The following TM2D1 variants were observed in gnomAD, a reference collection of about 807,000 sequenced individuals.
TM2D1 encodes TM2 domain-containing protein 1.
TM2D1 carries 15 observed loss-of-function variants against 28.4 expected under a neutral mutation model. That is an observed-to-expected ratio of 0.53 (90% CI 0.35 to 0.81). The LOEUF is 0.81. Among genes scored for constraint, TM2D1 ranks in the 40% least tolerant of loss-of-function variants. The pLI, the probability that TM2D1 is intolerant of heterozygous loss-of-function variation, is 0.01. For synonymous variants in TM2D1, 93 were observed against 96.2 expected, an observed-to-expected ratio of 0.97 and a Z score of 0.20; for missense variants, 236 against 254.9, an observed-to-expected ratio of 0.93 and a Z score of 0.50.
chr1:61,711,199 G>A (rs556339094), intron 2 of TM2D1, among the ~76,000 whole-genome samples: 4 of 151,070 alleles, frequency 2.6e-5, no homozygotes, highest in South Asian at 2.1e-4. Context: ...GCATGGTGGC[G>A]GGCACCTGTA....
intron 3 of TM2D1, among the ~76,000 whole-genome samples, chr1:61,701,490 G>T (rs923397455): frequency 1.3e-5 from 2 of 151,742 alleles, no homozygotes; most frequent in Non-Finnish European, 1.5e-5. Flanking sequence ...AGGCAAAAAA[G>T]ACAGCCAGAA....
intron 2 of TM2D1, among the ~76,000 whole-genome samples, chr1:61,709,844 T>C (rs1443394476): frequency 2.0e-5 from 3 of 152,222 alleles, no homozygotes; most frequent in African/African-American, 7.2e-5. Context: ...TAATCTGAGT[T>C]TGTATTTTTA....
At chr1:61,696,953 G>C (rs1412065790) in intron 4 of TM2D1, among the ~76,000 whole-genome samples, 1 of 151,708 alleles carries the variant, frequency 6.6e-6, no homozygotes, top group Non-Finnish European at 1.5e-5. Context: ...TCTCAGGAAT[G>C]AATGAAGTTT....
intron 4 of TM2D1, 119 bp downstream of exon 4, chr1:61,700,815 A>G: frequency 1.4e-6 from 1 of 694,842 alleles, no homozygotes; most frequent in Non-Finnish European, 2.4e-6. Context: ...AACATTAACT[A>G]CTCAACTCCA....
chr1:61,710,383 G>C (rs1025525947), intron 2 of TM2D1, among the ~76,000 whole-genome samples: 2 of 141,420 alleles, frequency 1.4e-5, no homozygotes, highest in Non-Finnish European at 3.0e-5. Flanking sequence ...CCAAGATTGT[G>C]CCACTGCCCT....
chr1:61,707,208 T>C (rs1179093811), intron 3 of TM2D1, among the ~76,000 whole-genome samples: 4 of 152,152 alleles, frequency 2.6e-5, no homozygotes, highest in African/African-American at 4.8e-5. Flanking sequence ...TGAGACATGA[T>C]TGTGACGCTG....
At chr1:61,696,555 A>AAAG (rs1418650948) in intron 4 of TM2D1, among the ~76,000 whole-genome samples, 15 of 151,852 alleles carry the variant, frequency 9.9e-5, no homozygotes, top group African/African-American at 3.4e-4. Context: ...AAAAAAAAAA[A>AAAG]AAAGAAAGAA....
chr1:61,684,867 C>G (rs374297091), intron 5 of TM2D1, among the ~76,000 whole-genome samples: 2 of 152,176 alleles, frequency 1.3e-5, no homozygotes, highest in East Asian at 1.9e-4. Flanking sequence ...CAACCTCCCC[C>G]CCGGGGCTCT....
chr1:61,692,374 T>C (rs1277959616), intron 5 of TM2D1, among the ~76,000 whole-genome samples: 2 of 151,794 alleles, frequency 1.3e-5, no homozygotes, highest in South Asian at 2.1e-4. Context: ...GATACGTTTA[T>C]GGGATCACAG....
intron 4 of TM2D1, among the ~76,000 whole-genome samples, chr1:61,695,485 G>C (rs1335770876): frequency 6.6e-6 from 1 of 151,986 alleles, no homozygotes; most frequent in East Asian, 1.9e-4. Context: ...GGGTGGGCTG[G>C]GGGTGGGATG....
Position 61,683,494 on chromosome 1 carries a change from C to A in TM2D1, c.566G>T (p.Arg189Ile). 1 of 1,545,230 alleles carries A rather than the reference C, an allele frequency of 6.5e-7. No individual in the cohort carries two copies. The highest frequency in any genetic ancestry group is 8.7e-7 in the Non-Finnish European group (1 of 1,148,608). Reference protein sequence around the residue: ...SSYIIDYYGTRLTRLSITNET... With the variant: ...SSYIIDYYGTILTRLSITNET... ...ATTAGTAATACTCAGTCTTGTAAGT[C>A]TGGTTCCATAGTAATCTATAATGTA... Residue 189 changes from arginine to isoleucine, a missense_variant, in exon 6 of 7, where the codon AGA becomes ATA. By Grantham distance (97) the Arg-to-Ile change is moderately conservative. Coordinates refer to ENST00000606498, the MANE Select transcript of TM2D1 (RefSeq NM_032027.3).
chr1:61,692,635 C>T (rs1644336611), intron 5 of TM2D1, among the ~76,000 whole-genome samples: 1 of 152,058 alleles, frequency 6.6e-6, no homozygotes, highest in African/African-American at 2.4e-5. Context: ...GTGACTCATG[C>T]CTGTAATCCC....
chr1:61,713,758 T>C (rs935452019), intron 2 of TM2D1, among the ~76,000 whole-genome samples: 2 of 152,168 alleles, frequency 1.3e-5, no homozygotes, highest in Non-Finnish European at 2.9e-5. Flanking sequence ...AAAGAGACAG[T>C]TGCAATACAA....
chr1:61,689,419 A>G (rs538525777), intron 5 of TM2D1, among the ~76,000 whole-genome samples: 1 of 152,268 alleles, frequency 6.6e-6, no homozygotes, highest in Non-Finnish European at 1.5e-5. Context: ...GCTAGAGTGT[A>G]GTACTACAAT....
intron 2 of TM2D1, among the ~76,000 whole-genome samples, chr1:61,710,212 T>G (rs185094577): frequency 6.6e-6 from 1 of 151,828 alleles, no homozygotes; most frequent in Non-Finnish European, 1.5e-5. Context: ...GAGGCTGAGA[T>G]GGGCAGATTC....
chr1:61,694,010 TC>T (rs1187761498), intron 5 of TM2D1: 1 of 152,116 alleles, frequency 6.6e-6, no homozygotes, highest in Non-Finnish European at 1.5e-5. Context: ...CCGCCCCCAG[TC>T]CCACTGCAGC....
chr1:61,686,986 C>T, intron 5 of TM2D1: 1 of 984,688 alleles, frequency 1.0e-6, no homozygotes, highest in Middle Eastern at 5.2e-4. Flanking sequence ...ATGACCATGT[C>T]CATTTGTCCA....
intron 4 of TM2D1, chr1:61,697,385 C>G (rs1644370963): frequency 6.6e-6 from 1 of 151,634 alleles, no homozygotes; most frequent in African/African-American, 2.4e-5. Context: ...CAGGGTCTCA[C>G]TATTTCCAAG....
chr1:61,691,932 A>AAAAAAAAAAT, intron 5 of TM2D1, among the ~76,000 whole-genome samples: 2 of 76,414 alleles, frequency 2.6e-5, no homozygotes, highest in African/African-American at 9.5e-5. Flanking sequence ...AAAAAAAAAA[A>AAAAAAAAAAT]ATATATATAT....
Sources: allele counts gnomAD v4.1 joint callset (sites outside exome capture counted in the v4.1 genomes callset), GRCh38; gene constraint gnomAD v4.1.1; transcripts MANE v1.5; gene names NCBI Gene and HGNC (gene_info 2026-07-23, HGNC 2026-07-21).